EEIG2: variants seen among roughly 807,000 people sequenced by gnomAD.
EEIG2 encodes family with sequence similarity 102 member B.
At chr1:108,622,231 TTC>T in the EEIG2 span, among the ~76,000 whole-genome samples, 2 of 152,208 alleles carry the variant, frequency 1.3e-5, no homozygotes, top group Non-Finnish European at 2.9e-5. Flanking sequence ...AGACTGCAAG[TTC>T]TGAGGGATTT....
the EEIG2 span, among the ~76,000 whole-genome samples, chr1:108,568,358 C>T: frequency 6.6e-6 from 1 of 152,058 alleles, no homozygotes; most frequent in Non-Finnish European, 1.5e-5. Context: ...GTTTGGGGTG[C>T]AGGCCTTTGA....
chr1:108,564,708 C>T, the EEIG2 span, among the ~76,000 whole-genome samples: 25 of 152,112 alleles, frequency 1.6e-4, no homozygotes, highest in African/African-American at 5.3e-4. Flanking sequence ...TTTGGGAGGC[C>T]GAGACACGCG....
chr1:108,623,985 GA>G, the EEIG2 span, among the ~76,000 whole-genome samples: 44 of 147,098 alleles, frequency 3.0e-4, 2 homozygotes, highest in African/African-American at 7.7e-4. Context: ...AATTTTTAAA[GA>G]AAAAAAAAAC....
the EEIG2 span, among the ~76,000 whole-genome samples, chr1:108,586,700 A>C: frequency 6.6e-6 from 1 of 152,074 alleles, no homozygotes; most frequent in African/African-American, 2.4e-5. Flanking sequence ...TAGGGGCGCA[A>C]ATTTGAGAGG....
chr1:108,624,741 A>C, the EEIG2 span: 1 of 1,613,632 alleles, frequency 6.2e-7, no homozygotes, highest in Non-Finnish European at 8.5e-7. Flanking sequence ...TGCATCTTGG[A>C]ATAGCAGGTA....
the EEIG2 span, among the ~76,000 whole-genome samples, chr1:108,631,302 G>A: frequency 1.4e-4 from 21 of 152,324 alleles, no homozygotes; most frequent in South Asian, 6.2e-4. Flanking sequence ...AGTTTCATTG[G>A]AACACAACCA....
At chr1:108,596,863 T>C in the EEIG2 span, among the ~76,000 whole-genome samples, 2 of 152,008 alleles carry the variant, frequency 1.3e-5, no homozygotes. Flanking sequence ...CTCAACCTTT[T>C]GAGTAGCTGG....
At chr1:108,598,078 TAG>T in the EEIG2 span, among the ~76,000 whole-genome samples, 628 of 152,256 alleles carry the variant, frequency 4.1e-3, 1 homozygote, top group African/African-American at 0.014. Flanking sequence ...ACATGTGTAA[TAG>T]CAACAGTTTG....
the EEIG2 span, among the ~76,000 whole-genome samples, chr1:108,567,841 T>C: frequency 5.9e-5 from 9 of 151,778 alleles, no homozygotes; most frequent in East Asian, 1.7e-3. Flanking sequence ...TTGAAGAAAA[T>C]TTAAAAATTA....
chr1:108,629,724 G>A, the EEIG2 span: 2 of 1,215,920 alleles, frequency 1.6e-6, no homozygotes, highest in African/African-American at 1.5e-5. Context: ...ATGAGTAGAG[G>A]ATGATGGTTG....
the EEIG2 span, among the ~76,000 whole-genome samples, chr1:108,572,678 C>T: frequency 2.6e-5 from 4 of 152,000 alleles, no homozygotes; most frequent in Non-Finnish European, 4.4e-5. Flanking sequence ...TGCAATGGTG[C>T]GATCTCGGCT....
the EEIG2 span, chr1:108,628,684 G>C: frequency 6.2e-7 from 1 of 1,609,584 alleles, no homozygotes. Flanking sequence ...AAGATGCCCA[G>C]TGAAACAAGA....
At chr1:108,570,361 C>G in the EEIG2 span, among the ~76,000 whole-genome samples, 1 of 152,100 alleles carries the variant, frequency 6.6e-6, no homozygotes, top group Non-Finnish European at 1.5e-5. Context: ...TTCAAGGAGC[C>G]TAGACTTGGT....
chr1:108,571,112 A>C, the EEIG2 span, among the ~76,000 whole-genome samples: 1 of 152,180 alleles, frequency 6.6e-6, no homozygotes, highest in African/African-American at 2.4e-5. Flanking sequence ...GTTGGAGTGA[A>C]GAGAGAAAAA....
the EEIG2 span, among the ~76,000 whole-genome samples, chr1:108,597,005 G>A: frequency 6.6e-6 from 1 of 152,128 alleles, no homozygotes; most frequent in Non-Finnish European, 1.5e-5. Context: ...GGGAATACAG[G>A]CATGAGCCCC....
At chr1:108,608,746 C>A in the EEIG2 span, among the ~76,000 whole-genome samples, 1 of 152,172 alleles carries the variant, frequency 6.6e-6, no homozygotes, top group African/African-American at 2.4e-5. Flanking sequence ...TAGGGGCTGT[C>A]TTAGTTAGTT....
chr1:108,569,325 T>C, the EEIG2 span, among the ~76,000 whole-genome samples: 1 of 152,200 alleles, frequency 6.6e-6, no homozygotes, highest in African/African-American at 2.4e-5. Flanking sequence ...ATGATGATGC[T>C]GATTATTCTT....
the EEIG2 span, among the ~76,000 whole-genome samples, chr1:108,578,648 G>T: frequency 6.6e-6 from 1 of 151,666 alleles, no homozygotes; most frequent in Non-Finnish European, 1.5e-5. Flanking sequence ...CAGATTCACC[G>T]AAGTTGAAAT....
the EEIG2 span, among the ~76,000 whole-genome samples, chr1:108,563,908 A>C: frequency 6.6e-6 from 1 of 152,208 alleles, no homozygotes. Context: ...TTACAACTGT[A>C]ATGGTTACTG....
Sources: gnomAD v4.1 joint callset for allele counts (sites outside exome capture counted in the v4.1 genomes callset) on GRCh38, gnomAD v4.1.1 for gene constraint, MANE v1.5 for transcripts, NCBI Gene and HGNC (gene_info 2026-07-23, HGNC 2026-07-21) for gene names.